CDH18: variants seen among roughly 807,000 people sequenced by gnomAD.
CDH18 encodes cadherin-18.
In CDH18, 31 loss-of-function variants were observed where a neutral mutation model predicts 67.9. The ratio of observed to expected loss-of-function variants is 0.46; its 90% CI spans 0.34 to 0.62. The LOEUF (loss-of-function observed/expected upper bound fraction) is 0.62. Ranked by LOEUF, CDH18 falls within the 20% of genes least tolerant of loss-of-function variation. CDH18 has a pLI of 0.01. For synonymous variants in CDH18, 362 were observed against 347.2 expected (o/e 1.04, Z -0.48); for missense variants, 890 against 975.5 (o/e 0.91, Z 1.17).
chr5:19,752,691 G>C (rs779928773), intron 3 of CDH18, among the ~76,000 whole-genome samples: 1 of 152,082 alleles, frequency 6.6e-6, no homozygotes, highest in Non-Finnish European at 1.5e-5. Flanking sequence ...ATGCTCTCTG[G>C]AAAGCACCAC....
In CDH18 at chr5:20,346,419, A is replaced by G. The variant is rs565561530; in HGVS notation, c.-579-90914T>C. Among the ~76,000 whole-genome samples, 3 of 152,290 alleles carry G rather than the reference A, an allele frequency of 2.0e-5. No individual in the cohort carries two copies. In the South Asian group the frequency reaches 6.2e-4, roughly 32 times the overall value. On this transcript the variant is annotated intron_variant, in intron 1 of 14. Coordinates refer to the CDH18 transcript ENST00000507958. Reference sequence around the variant, plus strand: ...CAAACCACTCTGCCTTACAAAAGGAAAGAGCTTGGGCTGGTACTTCTTGGG... The same window carrying G: ...CAAACCACTCTGCCTTACAAAAGGAGAGAGCTTGGGCTGGTACTTCTTGGG...
intron 2 of CDH18, among the ~76,000 whole-genome samples, chr5:19,910,954 C>A (rs956054497): frequency 5.3e-5 from 8 of 152,112 alleles, no homozygotes; most frequent in African/African-American, 1.9e-4. Flanking sequence ...GACATCTGAG[C>A]TGATGTGTTA....
chr5:20,543,161 A>C (rs2126595635), intron 1 of CDH18, among the ~76,000 whole-genome samples: 1 of 152,176 alleles, frequency 6.6e-6, no homozygotes, highest in Non-Finnish European at 1.5e-5. Flanking sequence ...TTACATATCA[A>C]GTTGATAAAT....
intron 1 of CDH18, among the ~76,000 whole-genome samples, chr5:20,372,620 T>C (rs1743092996): frequency 6.6e-6 from 1 of 152,190 alleles, no homozygotes; most frequent in South Asian, 2.1e-4. Flanking sequence ...AGTTGTATGA[T>C]TATTACATCC....
At chr5:20,536,324 GTTTGAATGGTGTTC>G (rs1756717864) in intron 1 of CDH18, among the ~76,000 whole-genome samples, 1 of 152,086 alleles carries the variant, frequency 6.6e-6, no homozygotes, top group African/African-American at 2.4e-5. Context: ...ATATCTCCCA[GTTTGAATGGTGTTC>G]TTCTGTATTT....
At chr5:19,824,352 G>A (rs569696925) in intron 3 of CDH18, among the ~76,000 whole-genome samples, 1 of 152,280 alleles carries the variant, frequency 6.6e-6, no homozygotes, top group South Asian at 2.1e-4. Flanking sequence ...ACACCAGCCT[G>A]TCTGGGCTCA....
intron 2 of CDH18, among the ~76,000 whole-genome samples, chr5:20,046,521 G>T (rs548487546): frequency 2.0e-5 from 3 of 151,422 alleles, no homozygotes; most frequent in South Asian, 4.2e-4. Context: ...CTATATAAAG[G>T]TGCTATAGCC....
chr5:20,490,333 C>T (rs1369759890), intron 1 of CDH18, among the ~76,000 whole-genome samples: 1 of 151,926 alleles, frequency 6.6e-6, no homozygotes, highest in Non-Finnish European at 1.5e-5. Context: ...ATATCAATAG[C>T]CAATGAGACT....
chr5:20,396,656 ATTTAT>A (rs992972812), intron 1 of CDH18, among the ~76,000 whole-genome samples: 3 of 55,676 alleles, frequency 5.4e-5, no homozygotes, highest in Admixed American at 2.5e-4. Context: ...TAATGAATTG[ATTTAT>A]TTTATGCATT....
chr5:20,080,654 T>C (rs958717800), intron 2 of CDH18, among the ~76,000 whole-genome samples: 14 of 152,086 alleles, frequency 9.2e-5, no homozygotes, highest in Non-Finnish European at 1.6e-4. Flanking sequence ...CTGAGATTTA[T>C]CTTTGAAAGT....
intron 1 of CDH18, among the ~76,000 whole-genome samples, chr5:20,472,136 C>A (rs1561038477): frequency 6.6e-6 from 1 of 152,110 alleles, no homozygotes; most frequent in Non-Finnish European, 1.5e-5. Flanking sequence ...GAAAACTTGA[C>A]ATGTGTTATC....
chr5:20,556,798 C>A (rs555652659), intron 1 of CDH18, among the ~76,000 whole-genome samples: 5 of 152,188 alleles, frequency 3.3e-5, no homozygotes, highest in Admixed American at 3.3e-4. Flanking sequence ...GGATTAATAT[C>A]AATTTGTGTT....
intron 2 of CDH18, among the ~76,000 whole-genome samples, chr5:20,221,421 G>A (rs1741213681): frequency 6.6e-6 from 1 of 152,020 alleles, no homozygotes; most frequent in Admixed American, 6.6e-5. Flanking sequence ...CAAAACAACT[G>A]AACTCATGGA....
At chr5:19,756,886 A>G (rs969064852) in intron 3 of CDH18, among the ~76,000 whole-genome samples, 9 of 152,184 alleles carry the variant, frequency 5.9e-5, no homozygotes, top group Admixed American at 2.6e-4. Flanking sequence ...TCCCGGATCC[A>G]TGAATCTTCG....
Position 19,842,965 on chromosome 5 carries a change from A to G in CDH18, c.-256-3723T>C, listed in dbSNP as rs184002357. ...AGATCTGTGGAACTTTGAACTTGAG[A>G]GAGAAGGTCTGGCATTGGAACTTAT... On this transcript the variant is annotated intron_variant, in intron 2 of 12. Transcript: ENST00000382275. Among the ~76,000 whole-genome samples the G allele has an allele frequency of 3.3e-5, 5 of 152,304 alleles. No homozygotes were observed. In the East Asian group the frequency reaches 9.7e-4, roughly 29 times the overall value.
At chr5:20,348,100 C>CA (rs1388279680) in intron 1 of CDH18, among the ~76,000 whole-genome samples, 4 of 152,068 alleles carry the variant, frequency 2.6e-5, no homozygotes, top group Non-Finnish European at 4.4e-5. Context: ...TGTTATAAGA[C>CA]AAAAAAAGAT....
intron 1 of CDH18, among the ~76,000 whole-genome samples, chr5:20,392,627 G>T (rs186482575): frequency 6.6e-6 from 1 of 151,994 alleles, no homozygotes; most frequent in South Asian, 2.1e-4. Flanking sequence ...GAGAACAAAT[G>T]TTTTGTAGCT....
At chr5:19,905,541 C>A (rs1242325250) in intron 2 of CDH18, among the ~76,000 whole-genome samples, 1 of 151,496 alleles carries the variant, frequency 6.6e-6, no homozygotes, top group South Asian at 2.1e-4. Context: ...AGTTTAATAG[C>A]CACTTTTTAA....
At chr5:20,021,602 A>C (rs926510834) in intron 2 of CDH18, among the ~76,000 whole-genome samples, 1 of 151,928 alleles carries the variant, frequency 6.6e-6, no homozygotes. Context: ...TTCTCTGACC[A>C]TGTATGTTAA....
Sources: allele counts gnomAD v4.1 joint callset (sites outside exome capture counted in the v4.1 genomes callset), GRCh38; gene constraint gnomAD v4.1.1; transcripts MANE v1.5; gene names NCBI Gene and HGNC (gene_info 2026-07-23, HGNC 2026-07-21).